VTI1B: variants seen among roughly 807,000 people sequenced by gnomAD.
The protein encoded by VTI1B is vesicle transport through interaction with t-SNAREs homolog 1B.
In VTI1B, 18 loss-of-function variants were observed where a neutral mutation model predicts 28.6. The ratio of observed to expected loss-of-function variants is 0.63; its 90% CI spans 0.43 to 0.93. VTI1B has a LOEUF of 0.93. Ranked by LOEUF, VTI1B falls within the 40% of genes least tolerant of loss-of-function variation. The probability of loss-of-function intolerance (pLI) is 0.00; values close to 1 mark genes in which losing one functional copy is unlikely to be tolerated. For synonymous variants in VTI1B, 100 were observed against 107.9 expected, an observed-to-expected ratio of 0.93 and a Z score of 0.46; for missense variants, 283 against 297.0, an observed-to-expected ratio of 0.95 and a Z score of 0.35.
intron 4 of VTI1B, among the ~76,000 whole-genome samples, chr14:67,654,887 G>T (rs1195271072): frequency 1.3e-5 from 2 of 151,924 alleles, no homozygotes; most frequent in Non-Finnish European, 2.9e-5. Flanking sequence ...AAATTAGCCG[G>T]GTGTGGTGGC....
chr14:67,656,574 G>A lies in VTI1B; in HGVS notation c.382C>T (p.Gln128Ter). 6.2e-7 allele frequency: 1 copy of A among 1,607,028 alleles called. No individual in the cohort carries two copies. The highest frequency in any genetic ancestry group is 8.5e-7 in the Non-Finnish European group (1 of 1,177,078). ...GTGCCCTGCAGAAGCATTGCCCTTT[G>A]AGACTGTAGCCGATTCTGAAAGAAG... ...ENEHMNRLQSQRAMLLQGTES... is the reference protein window; with the variant it reads ...ENEHMNRLQS The change falls in exon 4 of 6, where the codon CAA (glutamine) becomes TAA (stop). Residue 128 changes from glutamine to a stop codon, truncating the protein, a stop_gained. Transcript: ENST00000554659. LOFTEE classifies it high-confidence loss of function.
chr14:67,651,058 T>C lies in VTI1B; in HGVS notation c.*327A>G. The C allele has an allele frequency of 1.8e-6, 2 of 1,090,658 alleles. No homozygotes were observed. Among genetic ancestry groups the C allele is most frequent in the Non-Finnish European group, 1.3e-6 (1 of 761,628 alleles). 67.6% of individuals were successfully genotyped at this position (1,090,658 alleles called of 1,614,324 possible). On this transcript the variant is annotated 3_prime_UTR_variant, in exon 6 of 6. Coordinates refer to ENST00000554659, the MANE Select transcript of VTI1B (RefSeq NM_006370.3). ...TTTACACATTCTCACAATTGTAAAG[T>C]TTCCCCTCTATTTTGGTGACCAATA...
chr14:67,668,681 C>G (rs1309610546), intron 1 of VTI1B, among the ~76,000 whole-genome samples: 1 of 152,152 alleles, frequency 6.6e-6, no homozygotes, highest in Admixed American at 6.6e-5. Flanking sequence ...CAACATTGAG[C>G]TTATATTCTA....
At chr14:67,668,122 T>C (rs2037424114) in intron 1 of VTI1B, among the ~76,000 whole-genome samples, 1 of 152,160 alleles carries the variant, frequency 6.6e-6, no homozygotes, top group Non-Finnish European at 1.5e-5. Context: ...TGATTTAAAA[T>C]GGAAAACTTT....
At chr14:67,660,740 T>C (rs142426651) in intron 2 of VTI1B, among the ~76,000 whole-genome samples, 3 of 152,314 alleles carry the variant, frequency 2.0e-5, no homozygotes, top group Non-Finnish European at 4.4e-5. Context: ...CCCTAAATTA[T>C]TTTCATCTGC....
intron 1 of VTI1B, among the ~76,000 whole-genome samples, chr14:67,664,807 G>A (rs751597809): frequency 3.9e-5 from 6 of 152,132 alleles, no homozygotes; most frequent in Non-Finnish European, 7.4e-5. Flanking sequence ...AATGGCATGT[G>A]GGTATTCAGT....
intron 5 of VTI1B, among the ~76,000 whole-genome samples, chr14:67,652,046 C>T (rs987267281): frequency 6.6e-6 from 1 of 152,188 alleles, no homozygotes; most frequent in African/African-American, 2.4e-5. Context: ...AGGAATTTAT[C>T]ACTGTAGGAA....
At chr14:67,657,533 TAAC>T (rs1362035796) in intron 3 of VTI1B, among the ~76,000 whole-genome samples, 3 of 151,978 alleles carry the variant, frequency 2.0e-5, no homozygotes, top group Non-Finnish European at 4.4e-5. Context: ...AGGCCAGAAT[TAAC>T]AACCACTGAC....
At chr14:67,663,232 A>T in intron 1 of VTI1B, 14 of 1,333,416 alleles carry the variant, frequency 1.0e-5, no homozygotes, top group Non-Finnish European at 1.3e-5. Flanking sequence ...CAAAACAAAC[A>T]TCTAACTAAA....
rs369628345 is a variant in VTI1B, at chr14:67,670,618, C to T, written c.115+3757G>A. Among the ~76,000 whole-genome samples, 46 of 151,890 alleles carry T rather than the reference C, an allele frequency of 3.0e-4. 1 individual carries two copies. The highest frequency in any genetic ancestry group is 1.1e-3 in the African/African-American group (45 of 41,418). ...CGCTCTGTCGCCTGCAATCTCTGCC[C>T]CCTGGGTTTAATCGATTCTCCTGCC... On this transcript the variant is annotated intron_variant, in intron 1 of 5. Coordinates refer to ENST00000554659, the MANE Select transcript of VTI1B (RefSeq NM_006370.3).
intron 3 of VTI1B, among the ~76,000 whole-genome samples, chr14:67,656,833 GA>G (rs2037264739): frequency 6.6e-6 from 1 of 152,196 alleles, no homozygotes; most frequent in South Asian, 2.1e-4. Context: ...GCGAGGCAAG[GA>G]AAGATGGATT....
chr14:67,671,450 C>T (rs1003313937), intron 1 of VTI1B, among the ~76,000 whole-genome samples: 1 of 152,038 alleles, frequency 6.6e-6, no homozygotes, highest in African/African-American at 2.4e-5. Flanking sequence ...CACTTGAACC[C>T]AGGAGGTGGA....
intron 3 of VTI1B, among the ~76,000 whole-genome samples, chr14:67,657,394 C>G (rs1412179865): frequency 6.6e-6 from 1 of 152,160 alleles, no homozygotes; most frequent in Non-Finnish European, 1.5e-5. Context: ...AAATTAGTAT[C>G]TGGGGCTTGA....
At chr14:67,652,434 T>C in intron 5 of VTI1B, 1 of 185,570 alleles carries the variant, frequency 5.4e-6, no homozygotes. Flanking sequence ...TTTCACTAAC[T>C]GAGAACCATG....
intron 3 of VTI1B, chr14:67,657,051 A>G (rs982965374): frequency 1.3e-5 from 2 of 152,714 alleles, no homozygotes; most frequent in African/African-American, 4.8e-5. Flanking sequence ...TTCCCACTAG[A>G]CTGGTACTGA....
chr14:67,656,662 C>G (rs2037262222), intron 3 of VTI1B, 73 bp from the exon 4 acceptor site: 1 of 1,484,966 alleles, frequency 6.7e-7, no homozygotes, highest in Non-Finnish European at 9.1e-7. Context: ...TCCTCATCAC[C>G]TTCCCCATGT....
At chr14:67,658,690 TTAC>T (rs2037298008) in intron 3 of VTI1B, among the ~76,000 whole-genome samples, 1 of 152,268 alleles carries the variant, frequency 6.6e-6, no homozygotes, top group South Asian at 2.1e-4. Context: ...AAAGTCACTT[TTAC>T]AACTCCCACT....
rs5809360 is a variant in VTI1B, at chr14:67,672,123, A to AT, written c.115+2251dup. ...GTGCCAGGTTGAAAATGCAGTCTAC[A>AT]TTTTTTTTTTTTTTTGGGAGAGTCT... On this transcript the variant is annotated intron_variant, in intron 1 of 5. Transcript: ENST00000554659. Among the ~76,000 whole-genome samples, 786 of 143,502 alleles carry AT rather than the reference A, an allele frequency of 5.5e-3. 7 individuals are homozygous for AT. The highest frequency in any genetic ancestry group is 0.017 in the African/African-American group (669 of 39,138). The allele number at this position is 143,502 out of a possible 152,430, so 94.1% of individuals were successfully genotyped here. A position where few individuals can be genotyped will look rare whatever the true frequency, so the allele number is the denominator to read the frequency against.
rs1187408251 is a variant in VTI1B at position 67,673,292 on chromosome 14, C to T, written c.115+1083G>A. ...CTGGGAAGTGGAGGTTGCAGTGAGC[C>T]GAGATCGTGCCACTGCACTCCAGCC... On this transcript the variant is annotated intron_variant, in intron 1 of 5. Coordinates refer to ENST00000554659, the MANE Select transcript of VTI1B (RefSeq NM_006370.3). 9.2e-5 allele frequency among the ~76,000 whole-genome samples: 14 copies of T among 151,682 alleles called. No homozygotes were observed. In the South Asian group the frequency reaches 2.5e-3, roughly 27 times the overall value.
Sources: gnomAD v4.1 joint callset for allele counts (sites outside exome capture counted in the v4.1 genomes callset) on GRCh38, gnomAD v4.1.1 for gene constraint, MANE v1.5 for transcripts, NCBI Gene and HGNC (gene_info 2026-07-23, HGNC 2026-07-21) for gene names.